The following CCN4 variants were observed in gnomAD, a reference collection of about 807,000 sequenced individuals.
CCN4 encodes the protein CCN family member 4.
In CCN4, 30 loss-of-function variants were observed where a neutral mutation model predicts 36.7. The ratio of observed to expected loss-of-function variants is 0.82; its 90% CI spans 0.61 to 1.11. CCN4 has a LOEUF of 1.11. Ranked by LOEUF, CCN4 falls within the 50% of genes least tolerant of loss-of-function variation. The probability of loss-of-function intolerance (pLI) is 0.00; values close to 1 mark genes in which losing one functional copy is unlikely to be tolerated. For missense variants in CCN4, 505 were observed against 504.9 expected, an observed-to-expected ratio of 1.00 and a Z score of 0.00; for synonymous variants, 191 against 195.4, an observed-to-expected ratio of 0.98 and a Z score of 0.19.
chr8:133,206,180 G>A (rs1334679402), intron 1 of CCN4, among the ~76,000 whole-genome samples: 41 of 152,228 alleles, frequency 2.7e-4, no homozygotes, highest in Non-Finnish European at 1.5e-5. Context: ...TTTCCTTCAG[G>A]ATGTGTTGAT....
intron 2 of CCN4, among the ~76,000 whole-genome samples, chr8:133,220,103 G>T (rs552123005): frequency 6.6e-6 from 1 of 151,496 alleles, no homozygotes; most frequent in Non-Finnish European, 1.5e-5. Context: ...CATGTCTTTT[G>T]TCTGTTTTGT....
intron 3 of CCN4, among the ~76,000 whole-genome samples, chr8:133,223,526 CCTT>C (rs1382548924): frequency 2.0e-5 from 3 of 152,322 alleles, no homozygotes. Context: ...TCCTCTTTAT[CCTT>C]CTAATCCTAG....
chr8:133,221,622 T>C (rs1854531595), intron 3 of CCN4, among the ~76,000 whole-genome samples: 1 of 151,290 alleles, frequency 6.6e-6, no homozygotes, highest in African/African-American at 2.4e-5. Context: ...TATGAATAGA[T>C]GGGTGGATTG....
intron 2 of CCN4, among the ~76,000 whole-genome samples, chr8:133,214,507 G>GGTTGTTGTTGTTGTTGTTGTT (rs376862240): frequency 4.6e-5 from 7 of 151,438 alleles, no homozygotes; most frequent in African/African-American, 1.7e-4. Context: ...GTTTGGAGGT[G>GGTTGTTGTTGTTGTTGTTGTT]GTTGTTGTTG....
chr8:133,223,707 A>G lies in CCN4; in HGVS notation c.611-1683A>G, dbSNP rs143298962. Among the ~76,000 whole-genome samples, 1,268 of 150,334 alleles carry G rather than the reference A, an allele frequency of 8.4e-3. 15 individuals carry two copies. The highest frequency in any genetic ancestry group is 0.029 in the African/African-American group (1,170 of 40,810). Reference sequence around the variant, plus strand: ...TTCTCTCTCTTTTCTCTGAGCTTCCATCTGTCTTTCCATCCCTTCCCTGTC... The same window carrying G: ...TTCTCTCTCTTTTCTCTGAGCTTCCGTCTGTCTTTCCATCCCTTCCCTGTC... On this transcript the variant is annotated intron_variant, in intron 3 of 4. Coordinates refer to ENST00000250160, the MANE Select transcript of CCN4 (RefSeq NM_003882.4).
chr8:133,194,004 G>A lies in CCN4; in HGVS notation c.69+2791G>A, dbSNP rs117115368. Among the ~76,000 whole-genome samples, 360 of 152,240 alleles carry A rather than the reference G, an allele frequency of 2.4e-3. 12 individuals are homozygous for A. In the East Asian group the frequency reaches 0.061, roughly 26 times the overall value. ...CCTCACTTTCCTCGTTTGTTAATTG[G>A]GACTAACTGTCTCACCACACCAAGC... is the stretch of plus-strand genomic sequence containing the variant. On this transcript the variant is annotated intron_variant, in intron 1 of 4. Coordinates refer to ENST00000250160, the MANE Select transcript of CCN4 (RefSeq NM_003882.4).
intron 1 of CCN4, among the ~76,000 whole-genome samples, chr8:133,194,099 G>C (rs1307150840): frequency 6.6e-6 from 1 of 152,146 alleles, no homozygotes; most frequent in Non-Finnish European, 1.5e-5. Context: ...GCAAACGAAA[G>C]CTGAGTGATA....
At chr8:133,194,893 G>T (rs1853311394) in intron 1 of CCN4, among the ~76,000 whole-genome samples, 1 of 143,788 alleles carries the variant, frequency 7.0e-6, no homozygotes, top group Non-Finnish European at 1.5e-5. Context: ...GTGTGTATGT[G>T]TGTGGTGTGT....
Position 133,225,432 on chromosome 8 carries a change from C to A in CCN4, c.653C>A (p.Ala218Asp), listed in dbSNP as rs774525706. ...EVEAWHRNCI[A>D]YTSPWSPCST... ...GAGGCATGGCACAGGAACTGCATAG[C>A]CTACACAAGCCCCTGGAGCCCTTGC... is the stretch of plus-strand genomic sequence containing the variant. Residue 218 changes from alanine (A) to aspartate (D), a missense_variant, in exon 4 of 5, where the codon GCC (alanine) becomes GAC (aspartate). Ala to Asp is a moderately radical substitution (Grantham distance 126). Coordinates refer to ENST00000250160, the MANE Select transcript of CCN4 (RefSeq NM_003882.4). 6.2e-7 allele frequency: 1 copy of A among 1,613,498 alleles called. No homozygotes were observed. Among genetic ancestry groups the A allele is most frequent in the Non-Finnish European group, 8.5e-7 (1 of 1,179,688 alleles).
In CCN4 at chr8:133,227,420, A is replaced by G. The variant is rs762593331; in HGVS notation, c.814A>G (p.Lys272Glu). 11 of 1,609,696 alleles carry G rather than the reference A, an allele frequency of 6.8e-6. No homozygotes were observed. Among genetic ancestry groups the G allele is most frequent in the Non-Finnish European group, 9.3e-6 (11 of 1,177,006 alleles). Reference sequence around the variant, plus strand: ...CTTTCCTTTCCTTCAGGCAGGGAAGAAGTGTCTGGCTGTGTACCAGCCAGA... The same window carrying G: ...CTTTCCTTTCCTTCAGGCAGGGAAGGAGTGTCTGGCTGTGTACCAGCCAGA... The part of the protein sequence containing the change: ...DIHTLIKAGK[K>E]CLAVYQPEAS... The change falls in exon 5 of 5, where the codon AAG becomes GAG. Residue 272 changes from lysine to glutamate, a missense_variant. By Grantham distance (56) the Lys-to-Glu change is moderately conservative. Coordinates refer to ENST00000250160, the MANE Select transcript of CCN4 (RefSeq NM_003882.4).
chr8:133,192,064 C>T (rs150529318), intron 1 of CCN4, among the ~76,000 whole-genome samples: 175 of 152,274 alleles, frequency 1.1e-3, no homozygotes, highest in Middle Eastern at 3.4e-3. Flanking sequence ...AGGTGGGTAC[C>T]TGGCAGCTTC....
At chr8:133,220,499 C>A in intron 2 of CCN4, 82 bp from the exon 3 acceptor site, 1 of 1,557,072 alleles carries the variant, frequency 6.4e-7, no homozygotes, top group Non-Finnish European at 8.7e-7. Flanking sequence ...GGGGCATGGT[C>A]CACATGGAGC....
chr8:133,220,022 C>T (rs1255778795), intron 2 of CCN4, among the ~76,000 whole-genome samples: 5 of 152,048 alleles, frequency 3.3e-5, no homozygotes. Flanking sequence ...CTCCCTGCTC[C>T]ACTTTTCTCC....
chr8:133,224,392 C>T (rs1301270055), intron 3 of CCN4, among the ~76,000 whole-genome samples: 1 of 151,814 alleles, frequency 6.6e-6, no homozygotes, highest in African/African-American at 2.4e-5. Flanking sequence ...GCACATGCCA[C>T]CATGCCCGGT....
chr8:133,196,329 C>G (rs1042371287), intron 1 of CCN4, among the ~76,000 whole-genome samples: 3 of 152,172 alleles, frequency 2.0e-5, no homozygotes, highest in African/African-American at 7.2e-5. Context: ...ACCATTGATT[C>G]CAGAGACATG....
intron 1 of CCN4, among the ~76,000 whole-genome samples, chr8:133,196,572 A>C (rs1247678292): frequency 1.3e-5 from 2 of 152,168 alleles, no homozygotes; most frequent in Admixed American, 6.5e-5. Flanking sequence ...GCCTAAGGCT[A>C]TGATAACAGG....
chr8:133,197,560 C>T (rs1051844070), intron 1 of CCN4, among the ~76,000 whole-genome samples: 1 of 151,908 alleles, frequency 6.6e-6, no homozygotes, highest in African/African-American at 2.4e-5. Flanking sequence ...AGTCAGCTCC[C>T]CTCCTCCTCC....
At chr8:133,193,394 G>A (rs1853185433) in intron 1 of CCN4, among the ~76,000 whole-genome samples, 1 of 152,236 alleles carries the variant, frequency 6.6e-6, no homozygotes, top group Non-Finnish European at 1.5e-5. Flanking sequence ...CCCAGAAGGA[G>A]ATCAGCCAAG....
intron 2 of CCN4, among the ~76,000 whole-genome samples, 160 bp downstream of exon 2, chr8:133,213,303 G>A (rs1854135894): frequency 6.6e-6 from 1 of 152,144 alleles, no homozygotes; most frequent in South Asian, 2.1e-4. Flanking sequence ...GGTCCTTCCT[G>A]GGAAGGGGAG....
Sources: allele counts gnomAD v4.1 joint callset (sites outside exome capture counted in the v4.1 genomes callset), GRCh38; gene constraint gnomAD v4.1.1; transcripts MANE v1.5; gene names NCBI Gene and HGNC (gene_info 2026-07-23, HGNC 2026-07-21).